Variants in LARGE1 observed in about 807,000 individuals in gnomAD.
LARGE1 encodes the protein LARGE xylosyl- and glucuronyltransferase 1.
LARGE1 carries 43 observed loss-of-function variants against 87.6 expected under a neutral mutation model. The observed-to-expected ratio is 0.49, with a 90% CI of 0.38 to 0.63. LARGE1 has a LOEUF of 0.63. Ranked by LOEUF, LARGE1 falls within the 30% of genes least tolerant of loss-of-function variation. The pLI, the probability that LARGE1 is intolerant of heterozygous loss-of-function variation, is 0.00. For missense variants in LARGE1, 802 were observed against 1,000.2 expected (o/e 0.80, Z 2.67); for synonymous variants, 434 against 394.6 (o/e 1.10, Z -1.18).
chr22:33,218,351 C>A (rs1925305990), intron 11 of LARGE1, among the ~76,000 whole-genome samples: 1 of 152,190 alleles, frequency 6.6e-6, no homozygotes, highest in Non-Finnish European at 1.5e-5. Context: ...TTTCTCTCTG[C>A]CATGCCTATA....
chr22:33,717,640 G>A (rs16992860), intron 2 of LARGE1, among the ~76,000 whole-genome samples: 2,717 of 152,260 alleles, frequency 0.018, 81 homozygotes, highest in African/African-American at 0.062. Context: ...GAAGGCTCTT[G>A]ACCCAACAGA....
In LARGE1 at chr22:33,238,319, G is replaced by A. The variant is rs187713513; in HGVS notation, c.1730+65910C>T. Among the ~76,000 whole-genome samples, 18 of 152,256 alleles carry A rather than the reference G, an allele frequency of 1.2e-4. No individual in the cohort carries two copies. The East Asian group carries it at 3.5e-3, about 29-fold the overall frequency. ...CATAGAGGATAAAATAGAGTGTCTG[G>A]AATATATCTTGATCCTGTAAGTGGC... On this transcript the variant is annotated intron_variant, in intron 11 of 11. Coordinates refer to the LARGE1 transcript ENST00000608642.
intron 2 of LARGE1, among the ~76,000 whole-genome samples, chr22:33,741,896 G>A (rs945538636): frequency 6.6e-6 from 1 of 152,248 alleles, no homozygotes; most frequent in East Asian, 1.9e-4. Flanking sequence ...GCCTCTGTTC[G>A]GGCAAAGAAC....
chr22:33,296,248 C>T (rs1038259806), intron 12 of LARGE1, among the ~76,000 whole-genome samples: 5 of 152,232 alleles, frequency 3.3e-5, no homozygotes, highest in Non-Finnish European at 5.9e-5. Context: ...TCAGATCCCA[C>T]TTGCATGGAC....
intron 1 of LARGE1, among the ~76,000 whole-genome samples, chr22:33,881,879 A>G (rs2146761678): frequency 6.6e-6 from 1 of 152,352 alleles, no homozygotes; most frequent in Non-Finnish European, 1.5e-5. Context: ...ACATCAGGCT[A>G]ACACTGCAAA....
chr22:33,769,252 CCACCCACTTCATTA>C (rs1302342511), intron 1 of LARGE1, among the ~76,000 whole-genome samples: 2 of 152,152 alleles, frequency 1.3e-5, no homozygotes, highest in Admixed American at 6.6e-5. Flanking sequence ...AGCACCAGCA[CCACCCACTTCATTA>C]CACCCACCTT....
rs945759197 is a variant in LARGE1 at position 33,826,416 on chromosome 22, C to T, written c.-82-64858G>A. ...GGAGCACAATGGCGCAATCTCGGCT[C>T]GCTGCAACCTCCGCCTCCTGGGTTC... On this transcript the variant is annotated intron_variant, in intron 1 of 14. Transcript: ENST00000397394. Among the ~76,000 whole-genome samples the T allele has an allele frequency of 6.0e-5, 9 of 150,884 alleles. No homozygotes were observed. The East Asian group carries it at 7.8e-4, about 13-fold the overall frequency.
intron 11 of LARGE1, among the ~76,000 whole-genome samples, chr22:33,239,201 T>A (rs577592494): frequency 6.6e-6 from 1 of 152,150 alleles, no homozygotes; most frequent in African/African-American, 2.4e-5. Flanking sequence ...CATGCTGGAA[T>A]TTAAGGGGAT....
intron 6 of LARGE1, among the ~76,000 whole-genome samples, chr22:33,527,332 C>G (rs116437149): frequency 0.013 from 2,041 of 152,242 alleles, 50 homozygotes; most frequent in African/African-American, 0.047. Context: ...TTTTCCCAAG[C>G]GTACTCCAAA....
intron 2 of LARGE1, among the ~76,000 whole-genome samples, chr22:33,705,537 G>A (rs2082535697): frequency 6.6e-6 from 1 of 152,172 alleles, no homozygotes; most frequent in Non-Finnish European, 1.5e-5. Flanking sequence ...ACCACACAAT[G>A]CTCAGCCCCA....
At chr22:33,417,312 T>C (rs528867970) in intron 7 of LARGE1, among the ~76,000 whole-genome samples, 8 of 152,348 alleles carry the variant, frequency 5.3e-5, no homozygotes, top group African/African-American at 1.9e-4. Flanking sequence ...GAATATGGAA[T>C]GTTTCCCACC....
At chr22:33,262,796 C>T (rs1473691050) in intron 11 of LARGE1, among the ~76,000 whole-genome samples, 1 of 147,288 alleles carries the variant, frequency 6.8e-6, no homozygotes, top group Non-Finnish European at 1.5e-5. Context: ...CTTCCCTTTC[C>T]TTCCTTCCTT....
At chr22:33,167,373 G>T (rs1389983871) in intron 11 of LARGE1, among the ~76,000 whole-genome samples, 5 of 152,220 alleles carry the variant, frequency 3.3e-5, no homozygotes, top group Admixed American at 6.5e-5. Flanking sequence ...AAAGTCACAT[G>T]AAGTTGTGAA....
At chr22:33,269,876 G>T (rs1445550563), downstream of LARGE1, among the ~76,000 whole-genome samples, 2 of 151,862 alleles carry the variant, frequency 1.3e-5, no homozygotes, top group African/African-American at 4.8e-5. Context: ...GTGGTGGCGG[G>T]CGCCTGTAGT....
intron 6 of LARGE1, among the ~76,000 whole-genome samples, chr22:33,564,601 C>T (rs2077966665): frequency 6.6e-6 from 1 of 152,200 alleles, no homozygotes; most frequent in Admixed American, 6.5e-5. Context: ...ACAAAATACA[C>T]ACATTTGATA....
intron 1 of LARGE1, among the ~76,000 whole-genome samples, chr22:33,793,306 T>A (rs2085881109): frequency 6.6e-6 from 1 of 152,040 alleles, no homozygotes; most frequent in Non-Finnish European, 1.5e-5. Context: ...ACCCCACATC[T>A]GATAAAAGAT....
chr22:33,349,891 T>C (rs1940193049), intron 9 of LARGE1, among the ~76,000 whole-genome samples: 1 of 152,084 alleles, frequency 6.6e-6, no homozygotes, highest in Admixed American at 6.6e-5. Context: ...AAACACATCA[T>C]TATCCAGGAA....
chr22:33,564,728 CCACTGCATTAGCACGACCT>C, intron 6 of LARGE1, 101 bp downstream of exon 6: 1 of 945,112 alleles, frequency 1.1e-6, no homozygotes, highest in Non-Finnish European at 1.7e-6. Flanking sequence ...AATTCCTCAC[CCACTGCATTAGCACGACCT>C]CATTCGAGGA....
intron 4 of LARGE1, among the ~76,000 whole-genome samples, chr22:33,624,578 T>C (rs1369766366): frequency 6.6e-6 from 1 of 152,098 alleles, no homozygotes; most frequent in African/African-American, 2.4e-5. Context: ...GGACACGCTA[T>C]GGGGGCAGAG....
Sources: gnomAD v4.1 joint callset for allele counts (sites outside exome capture counted in the v4.1 genomes callset) on GRCh38, gnomAD v4.1.1 for gene constraint, MANE v1.5 for transcripts, NCBI Gene and HGNC (gene_info 2026-07-23, HGNC 2026-07-21) for gene names.